MIER3: variants seen among roughly 807,000 people sequenced by gnomAD.
MIER3 encodes the protein MIER family member 3.
In MIER3, 9 loss-of-function variants were observed where a neutral mutation model predicts 63.2. That is an observed-to-expected ratio of 0.14 (90% CI 0.09 to 0.25). MIER3 has a LOEUF of 0.25. Among genes scored for constraint, MIER3 ranks in the 10% least tolerant of loss-of-function variants. The pLI, the probability that MIER3 is intolerant of heterozygous loss-of-function variation, is 1.00. For synonymous variants in MIER3, 205 were observed against 224.9 expected, an observed-to-expected ratio of 0.91 and a Z score of 0.79; for missense variants, 512 against 666.2, an observed-to-expected ratio of 0.77 and a Z score of 2.55.
In MIER3 at chr5:56,940,095, C is replaced by T. The variant is rs182235166; in HGVS notation, c.181-1078G>A. Among the ~76,000 whole-genome samples, 53 of 152,116 alleles carry T rather than the reference C, an allele frequency of 3.5e-4. No homozygotes were observed. In the East Asian group the frequency reaches 7.1e-3, roughly 20 times the overall value. On this transcript the variant is annotated intron_variant, in intron 3 of 12. Transcript: ENST00000381199. Reference sequence around the variant, plus strand: ...CTGTAATCCTAGCATTTTGGGAGGCCGAGGCAGGCAGATCACTTGAGGTCA... The same window carrying T: ...CTGTAATCCTAGCATTTTGGGAGGCTGAGGCAGGCAGATCACTTGAGGTCA...
Position 56,933,913 on chromosome 5 carries a change from T to C in MIER3, c.596-515A>G, listed in dbSNP as rs139839141. On this transcript the variant is annotated intron_variant, in intron 7 of 12. Transcript: ENST00000381199. ...GATAACTTTTATTTAAAGGAGAAAA[T>C]AGATTAACCAAACCTCCCTAGGGAG... 5.3e-5 allele frequency among the ~76,000 whole-genome samples: 8 copies of C among 151,068 alleles called. No homozygotes were observed. The East Asian group carries it at 1.2e-3, about 22-fold the overall frequency.
Position 56,944,708 on chromosome 5 carries a change from T to C in MIER3, c.180+2218A>G, listed in dbSNP as rs74484925. On this transcript the variant is annotated intron_variant, in intron 3 of 12. Transcript: ENST00000381199. ...TTAAATGTCTGGTGATCTTTTTTTT[T>C]CCAGACAGGGTCTCAGTCTGTCACA... is the stretch of plus-strand genomic sequence containing the variant. Among the ~76,000 whole-genome samples the C allele has an allele frequency of 5.9e-5, 9 of 152,260 alleles. No individual in the cohort carries two copies. In the East Asian group the frequency reaches 1.2e-3, roughly 20 times the overall value.
rs1749630325 is a variant in MIER3, at chr5:56,920,694, T to C, written c.*2434A>G. 1 of 152,072 alleles carries C rather than the reference T, an allele frequency of 6.6e-6. No individual in the cohort carries two copies. Among genetic ancestry groups the C allele is most frequent in the African/African-American group, 2.4e-5 (1 of 41,364 alleles). The allele number at this position is 152,072 out of a possible 1,614,324, so 9.4% of individuals were successfully genotyped here. ...AAATAGCTATTTTACATGGATAAAG[T>C]CATAGTGGTACAATTTATGAATGTC... is the stretch of plus-strand genomic sequence containing the variant. On this transcript the variant is annotated 3_prime_UTR_variant, in exon 13 of 13. Transcript: ENST00000381199.
intron 4 of MIER3, chr5:56,938,230 A>C: frequency 2.1e-6 from 1 of 470,984 alleles, no homozygotes; most frequent in South Asian, 1.5e-5. Context: ...TTGAATGACT[A>C]TGGTCATTAA....
chr5:56,935,802 TG>T (rs1178075765), intron 5 of MIER3, 51 bp from the exon 6 acceptor site: 1 of 1,354,670 alleles, frequency 7.4e-7, no homozygotes, highest in Admixed American at 1.8e-5. Flanking sequence ...TTGCAGAACC[TG>T]GAAGAATGCC....
At chr5:56,951,701 G>T (rs77112307) in intron 1 of MIER3, among the ~76,000 whole-genome samples, 32,206 of 151,932 alleles carry the variant, frequency 0.21, 3,827 homozygotes, top group East Asian at 0.4. Context: ...GGCCGCGGAG[G>T]GGGGGCTCCG....
At chr5:56,926,293 G>A (rs11957276) in intron 10 of MIER3, among the ~76,000 whole-genome samples, 26,137 of 151,624 alleles carry the variant, frequency 0.17, 2,915 homozygotes, top group Non-Finnish European at 0.23. Flanking sequence ...CACTGGCAAG[G>A]GAATAAAAAG....
rs750295274 is a variant in MIER3 at position 56,923,248 on chromosome 5, G to A, written c.1533C>T (p.His511=). The A allele has an allele frequency of 2.5e-6, 4 of 1,614,146 alleles. No individual in the cohort carries two copies. The highest frequency in any genetic ancestry group is 3.4e-6 in the Non-Finnish European group (4 of 1,180,022). The part of the protein sequence containing the change: ...LGVDFENHTH[H]ITSAKMAVSV... ...AAACAGCCATTTTGGCACTGGTGAT[G>A]TGATGTGTGTGATTTTCAAAGTCCA... The change falls in exon 13 of 13, where the codon CAC becomes CAT. Residue 511 remains histidine, a synonymous_variant. Coordinates refer to ENST00000381199, the MANE Select transcript of MIER3 (RefSeq NM_001297599.2).
chr5:56,930,620 A>C, intron 9 of MIER3, 44 bp downstream of exon 9: 1 of 1,517,236 alleles, frequency 6.6e-7, no homozygotes, highest in Middle Eastern at 1.7e-4. Context: ...TCCCCAAATG[A>C]CCATCCCTGT....
At chr5:56,929,003 ACACT>A (rs1354800739) in intron 9 of MIER3, 142 bp from the exon 10 acceptor site, 31 of 554,496 alleles carry the variant, frequency 5.6e-5, no homozygotes, top group South Asian at 9.9e-5. Flanking sequence ...ACACACACAC[ACACT>A]CTCTCTCTCT....
chr5:56,944,150 G>A (rs1750746384), intron 3 of MIER3, among the ~76,000 whole-genome samples: 1 of 152,118 alleles, frequency 6.6e-6, no homozygotes, highest in Non-Finnish European at 1.5e-5. Flanking sequence ...TCATATACAA[G>A]CGTTCCTCCA....
At position 56,947,067 on chromosome 5, in the gene MIER3, C is replaced by T; in HGVS notation, c.39G>A (p.Gly13=). 1 of 1,604,416 alleles carries T rather than the reference C, an allele frequency of 6.2e-7. No homozygotes were observed. The highest frequency in any genetic ancestry group is 1.7e-5 in the Admixed American group (1 of 57,564). The part of the protein sequence containing the change: ...EASFGSSSPV[G]SLSSEDHDFD... ...AATCATGATCCTCAGAAGACAAAGA[C>T]CCAACTGGAATAAAACAAACTGAAT... Residue 13 remains glycine (G), a synonymous_variant, in exon 3 of 13, where the codon GGG becomes GGA. Transcript: ENST00000381199.
chr5:56,932,625 C>T (rs1750308269), intron 8 of MIER3, among the ~76,000 whole-genome samples: 1 of 152,044 alleles, frequency 6.6e-6, no homozygotes, highest in African/African-American at 2.4e-5. Context: ...TAGGGGTATT[C>T]GAAAAGCTTA....
At position 56,920,461 on chromosome 5, in the gene MIER3, AAAAG is replaced by A. The variant is rs1749618495; in HGVS notation, c.*2663_*2666del. 1 of 152,576 alleles carries A rather than the reference AAAAG, an allele frequency of 6.6e-6. No individual in the cohort carries two copies. The highest frequency in any genetic ancestry group is 2.4e-5 in the African/African-American group (1 of 41,458). 9.5% of individuals were successfully genotyped at this position (152,576 alleles called of 1,614,324 possible). ...TAATGGGGCAAAGGAAAAAAAAACA[AAAAG>A]AATTTATCACAGTTTGTTATAAGAA... On this transcript the variant is annotated 3_prime_UTR_variant, in exon 13 of 13. Coordinates refer to ENST00000381199, the MANE Select transcript of MIER3 (RefSeq NM_001297599.2).
At chr5:56,944,248 G>A (rs1015150675) in intron 3 of MIER3, among the ~76,000 whole-genome samples, 6 of 152,138 alleles carry the variant, frequency 3.9e-5, no homozygotes, top group South Asian at 2.1e-4. Flanking sequence ...GAGGAGGGCA[G>A]ATCACGAGGT....
intron 2 of MIER3, among the ~76,000 whole-genome samples, chr5:56,949,040 G>C (rs1421941029): frequency 6.6e-6 from 1 of 152,186 alleles, no homozygotes; most frequent in Admixed American, 6.5e-5. Flanking sequence ...GGGGATGACT[G>C]AAAGGACCTC....
At position 56,939,115 on chromosome 5, in the gene MIER3, A is replaced by G; in HGVS notation, c.181-98T>C. 3.0e-6 allele frequency: 4 copies of G among 1,316,164 alleles called. No individual in the cohort carries two copies. In the South Asian group the frequency reaches 7.1e-5, roughly 23 times the overall value. 81.5% of individuals were successfully genotyped at this position (1,316,164 alleles called of 1,614,324 possible). ...CTTAGGTTCAGAAAGCACATTATCA[A>G]AACAGCAGAACAAATCAAAGGCAAG... is the stretch of plus-strand genomic sequence containing the variant. On this transcript the variant is annotated intron_variant, in intron 3 of 12. Transcript: ENST00000381199.
chr5:56,936,944 T>C (rs1048036183), intron 5 of MIER3: 4 of 152,184 alleles, frequency 2.6e-5, no homozygotes, highest in Admixed American at 6.5e-5. Context: ...AGCCTTTTAA[T>C]AGAAATTCAA....
intron 3 of MIER3, among the ~76,000 whole-genome samples, chr5:56,944,225 A>C (rs1274989322): frequency 6.6e-6 from 1 of 152,024 alleles, no homozygotes; most frequent in African/African-American, 2.4e-5. Flanking sequence ...TAATCCCAGC[A>C]CTTTGGGAGG....
Sources: allele counts gnomAD v4.1 joint callset (sites outside exome capture counted in the v4.1 genomes callset), GRCh38; gene constraint gnomAD v4.1.1; transcripts MANE v1.5; gene names NCBI Gene and HGNC (gene_info 2026-07-23, HGNC 2026-07-21).